SNRPA: variants seen among roughly 807,000 people sequenced by gnomAD.
The protein encoded by SNRPA is U1 small nuclear ribonucleoprotein A.
SNRPA carries 10 observed loss-of-function variants against 24.5 expected under a neutral mutation model. The observed-to-expected ratio is 0.41, with a 90% CI of 0.25 to 0.69. SNRPA has a LOEUF of 0.69. Among genes scored for constraint, SNRPA ranks in the 30% least tolerant of loss-of-function variants. SNRPA has a pLI of 0.33. For missense variants in SNRPA, 283 were observed against 394.7 expected, an observed-to-expected ratio of 0.72 and a Z score of 2.40; for synonymous variants, 165 against 148.4, an observed-to-expected ratio of 1.11 and a Z score of -0.81.
Position 40,757,126 on chromosome 19 carries a change from G to C in SNRPA, c.74-206G>C, listed in dbSNP as rs567715618. The C allele has an allele frequency of 1.1e-3, 619 of 580,564 alleles. 3 individuals carry two copies. The highest frequency in any genetic ancestry group is 9.4e-3 in the African/African-American group (505 of 53,496). 36.0% of individuals were successfully genotyped at this position (580,564 alleles called of 1,614,324 possible). A position where few individuals can be genotyped will look rare whatever the true frequency, so the allele number is the denominator to read the frequency against. On this transcript the variant is annotated intron_variant, in intron 1 of 5. Transcript: ENST00000243563. ...ATGTGCACATGTTCATTATATAGCA[G>C]CTCTCTGTAAGCACATCTTACAGAA...
intron 1 of SNRPA, among the ~76,000 whole-genome samples, chr19:40,755,257 CTTTTTTTTTTTT>C (rs1004235207): frequency 4.2e-4 from 35 of 82,582 alleles, no homozygotes; most frequent in Non-Finnish European, 6.3e-4. Context: ...TTTTTCTTTT[CTTTTTTTTTTTT>C]TTTTTTTTTT....
At chr19:40,762,468 C>T (rs1462408093) in intron 3 of SNRPA, among the ~76,000 whole-genome samples, 17 of 152,014 alleles carry the variant, frequency 1.1e-4, no homozygotes, top group Admixed American at 5.2e-4. Context: ...CCGCCTGCCT[C>T]GGCCTCCCAA....
At chr19:40,764,396 C>T (rs2082945771) in intron 5 of SNRPA, among the ~76,000 whole-genome samples, 1 of 152,132 alleles carries the variant, frequency 6.6e-6, no homozygotes, top group African/African-American at 2.4e-5. Context: ...ACCACATGTG[C>T]AGCCTGTCCA....
intron 5 of SNRPA, among the ~76,000 whole-genome samples, chr19:40,764,082 G>A (rs866589098): frequency 1.1e-4 from 16 of 152,210 alleles, no homozygotes; most frequent in South Asian, 6.2e-4. Flanking sequence ...ATGGGGATGC[G>A]TGAAACTCTT....
intron 3 of SNRPA, among the ~76,000 whole-genome samples, chr19:40,761,446 C>CTT (rs2082931351): frequency 9.2e-6 from 1 of 108,312 alleles, no homozygotes; most frequent in Admixed American, 1.1e-4. Flanking sequence ...CTTTTCTTTT[C>CTT]TTTTTCTTTT....
chr19:40,752,856 T>G (rs367800039), intron 1 of SNRPA, among the ~76,000 whole-genome samples: 30 of 152,334 alleles, frequency 2.0e-4, no homozygotes, highest in African/African-American at 7.0e-4. Flanking sequence ...ATCTAAAAAC[T>G]GAGCAAAATC....
intron 3 of SNRPA, among the ~76,000 whole-genome samples, chr19:40,761,452 C>CTT (rs1201532861): frequency 2.1e-5 from 2 of 96,396 alleles, no homozygotes; most frequent in African/African-American, 3.3e-5. Flanking sequence ...TTTTCTTTTT[C>CTT]TTTTTCTTTT....
intron 3 of SNRPA, among the ~76,000 whole-genome samples, chr19:40,760,772 CT>C (rs2082927940): frequency 6.6e-6 from 1 of 152,126 alleles, no homozygotes; most frequent in Admixed American, 6.5e-5. Context: ...GACCTCATCT[CT>C]ACAAAAAATA....
chr19:40,751,542 C>A, intron 1 of SNRPA, 61 bp downstream of exon 1: 1 of 1,159,632 alleles, frequency 8.6e-7, no homozygotes, highest in Non-Finnish European at 1.3e-6. Context: ...CCTCTTCCGT[C>A]CCCTGCACCC....
chr19:40,758,246 C>T (rs1444075873), intron 2 of SNRPA, among the ~76,000 whole-genome samples: 2 of 152,106 alleles, frequency 1.3e-5, no homozygotes, highest in African/African-American at 4.8e-5. Flanking sequence ...GGATTACAGG[C>T]GTGAGCTACT....
chr19:40,763,515 A>T, intron 4 of SNRPA, 72 bp from the exon 5 acceptor site: 3 of 1,101,546 alleles, frequency 2.7e-6, no homozygotes, highest in Non-Finnish European at 4.2e-6. Flanking sequence ...GGGATGGAGG[A>T]AGTGGCAGTA....
intron 1 of SNRPA, 41 bp from the exon 2 acceptor site, chr19:40,757,291 T>TG: frequency 6.2e-7 from 1 of 1,606,232 alleles, no homozygotes; most frequent in Non-Finnish European, 8.5e-7. Context: ...GCGCTTCTTC[T>TG]AAAAAGGGGA....
chr19:40,765,041 C>G lies in SNRPA; in HGVS notation c.723C>G (p.Pro241=). 6.3e-7 allele frequency: 1 copy of G among 1,587,888 alleles called. No homozygotes were observed. The change falls in exon 6 of 6, where the codon CCC becomes CCG. Residue 241 remains proline, a synonymous_variant. Transcript: ENST00000243563. ...GCTTCAAGGAGGTCCGTCTGGTACC[C>G]GGGCGGCATGACATCGCCTTCGTGG... ...FPGFKEVRLV[P]GRHDIAFVEF...
At position 40,751,588 on chromosome 19, in the gene SNRPA, G is replaced by C. The variant is rs184469096; in HGVS notation, c.73+107G>C. On this transcript the variant is annotated intron_variant, in intron 1 of 5. Coordinates refer to ENST00000243563, the MANE Select transcript of SNRPA (RefSeq NM_004596.5). Reference sequence around the variant, plus strand: ...CTAAGTGTTTGTCCAGCCAAACTTCGAGTTAACTCCTTGGCCTTTACACAA... The same window carrying C: ...CTAAGTGTTTGTCCAGCCAAACTTCCAGTTAACTCCTTGGCCTTTACACAA... 5.8e-5 allele frequency: 49 copies of C among 843,772 alleles called. 1 individual carries two copies. The highest frequency in any genetic ancestry group is 7.4e-5 in the Non-Finnish European group (36 of 487,122). 52.3% of individuals were successfully genotyped at this position (843,772 alleles called of 1,614,324 possible).
intron 1 of SNRPA, among the ~76,000 whole-genome samples, chr19:40,753,862 T>C (rs988903413): frequency 2.6e-5 from 4 of 151,762 alleles, no homozygotes; most frequent in African/African-American, 4.8e-5. Flanking sequence ...AGTGGCACCA[T>C]CTCTGCTCAC....
chr19:40,762,374 G>A (rs372594825), intron 3 of SNRPA, among the ~76,000 whole-genome samples: 1 of 151,730 alleles, frequency 6.6e-6, no homozygotes, highest in African/African-American at 2.4e-5. Context: ...CCACCACCAC[G>A]CCTGGCTAAT....
chr19:40,753,733 C>T (rs556524798), intron 1 of SNRPA, among the ~76,000 whole-genome samples: 8 of 151,846 alleles, frequency 5.3e-5, no homozygotes, highest in Non-Finnish European at 1.0e-4. Flanking sequence ...CAACCATTAT[C>T]GGGCAGTGCT....
At position 40,751,279 on chromosome 19, in the gene SNRPA, TC is replaced by T; in HGVS notation, c.-127del. ...GCTTTGCCTCCGTCCTTGCCCCTAC[TC>T]CCGCCTTACCTGACTTCCTTTTCGG... On this transcript the variant is annotated 5_prime_UTR_variant, in exon 1 of 6. Transcript: ENST00000243563. The T allele has an allele frequency of 2.7e-6, 2 of 753,586 alleles. No individual in the cohort carries two copies. Among genetic ancestry groups the T allele is most frequent in the South Asian group, 2.9e-5 (2 of 67,904 alleles). 46.7% of individuals were successfully genotyped at this position (753,586 alleles called of 1,614,324 possible).
At chr19:40,761,580 C>T (rs2082933088) in intron 3 of SNRPA, among the ~76,000 whole-genome samples, 1 of 148,452 alleles carries the variant, frequency 6.7e-6, no homozygotes, top group South Asian at 2.1e-4. Flanking sequence ...GAGTCTCCTG[C>T]CCCTGCCTCC....
Sources: gnomAD v4.1 joint callset for allele counts (sites outside exome capture counted in the v4.1 genomes callset) on GRCh38, gnomAD v4.1.1 for gene constraint, MANE v1.5 for transcripts, NCBI Gene and HGNC (gene_info 2026-07-23, HGNC 2026-07-21) for gene names.